ABCC2: variants seen among roughly 807,000 people sequenced by gnomAD.
ABCC2 encodes the protein ATP binding cassette subfamily C member 2.
ABCC2 carries 157 observed loss-of-function variants against 173.4 expected under a neutral mutation model. The observed-to-expected ratio is 0.91, with a 90% CI of 0.80 to 1.03. The LOEUF is 1.03. Ranked by LOEUF, ABCC2 falls within the 50% of genes least tolerant of loss-of-function variation. The pLI is 0.00. For synonymous variants in ABCC2, 657 were observed against 693.5 expected (o/e 0.95, Z 0.83); for missense variants, 1,822 against 1,852.3 (o/e 0.98, Z 0.30).
intron 28 of ABCC2, among the ~76,000 whole-genome samples, chr10:99,845,299 C>T (rs1032190260): frequency 6.6e-6 from 1 of 152,154 alleles, no homozygotes; most frequent in Non-Finnish European, 1.5e-5. Context: ...TCCCGAAGTG[C>T]TGGGATTATA....
rs1564685789 is a variant in ABCC2 at position 99,814,654 on chromosome 10, C to CATATGTGTATAT, written c.2094+1511_2094+1512insTATGTGTATATA. On this transcript the variant is annotated intron_variant, in intron 16 of 31. Transcript: ENST00000647814. The stretch of plus-strand genomic sequence containing the variant: ...ATATGTGTATATACACATATACACA[C>CATATGTGTATAT]ACATATGTGTATATACACATATACA... Among the ~76,000 whole-genome samples the CATATGTGTATAT allele has an allele frequency of 6.5e-4, 75 of 115,664 alleles. 1 individual carries two copies. Among genetic ancestry groups the CATATGTGTATAT allele is most frequent in the Non-Finnish European group, 8.3e-4 (44 of 52,812 alleles). The allele number at this position is 115,664 out of a possible 152,430, so 75.9% of individuals were successfully genotyped here.
At position 99,831,754 on chromosome 10, in the gene ABCC2, CT is replaced by C. The variant is rs1304299345; in HGVS notation, c.3029del (p.Phe1010SerfsTer13). 1 of 1,614,182 alleles carries C rather than the reference CT, an allele frequency of 6.2e-7. No individual in the cohort carries two copies. Among genetic ancestry groups the C allele is most frequent in the South Asian group, 1.1e-5 (1 of 91,086 alleles). On this transcript the variant is annotated frameshift_variant, in exon 22 of 32. Coordinates refer to ENST00000647814, the MANE Select transcript of ABCC2 (RefSeq NM_000392.5). LOFTEE classifies it high-confidence loss of function. The part of the protein sequence containing the change: ...LSAWTSDSKI[F>X]NSTDYPASQR... ...GTGCTTGGACCAGTGACTCTAAAAT[CT>C]TCAATAGCACCGACTATCCAGCATC...
chr10:99,804,783 G>C (rs1348974041), intron 10 of ABCC2, among the ~76,000 whole-genome samples: 2 of 152,174 alleles, frequency 1.3e-5, no homozygotes, highest in Non-Finnish European at 2.9e-5. Flanking sequence ...TCACTCATTT[G>C]TTTTGCATTC....
intron 3 of ABCC2, among the ~76,000 whole-genome samples, 184 bp from the exon 4 acceptor site, chr10:99,793,367 A>G (rs2037839926): frequency 1.3e-5 from 2 of 152,156 alleles, no homozygotes; most frequent in Admixed American, 1.3e-4. Context: ...ACTAAAAGAA[A>G]AAGCTGGATG....
intron 3 of ABCC2, among the ~76,000 whole-genome samples, chr10:99,792,977 G>A (rs1413050316): frequency 2.6e-5 from 4 of 152,198 alleles, no homozygotes; most frequent in Admixed American, 6.5e-5. Context: ...GGCTCCTTTA[G>A]ACCATGTGCT....
At chr10:99,829,467 T>C (rs56139910) in intron 19 of ABCC2, among the ~76,000 whole-genome samples, 6,783 of 152,244 alleles carry the variant, frequency 0.045, 177 homozygotes, top group Middle Eastern at 0.17. Flanking sequence ...TTAATCATTA[T>C]TCTAATTGCT....
At position 99,793,613 on chromosome 10, in the gene ABCC2, G is replaced by T; in HGVS notation, c.396G>T (p.Leu132=). The T allele has an allele frequency of 6.2e-7, 1 of 1,614,108 alleles. No homozygotes were observed. Among genetic ancestry groups the T allele is most frequent in the Non-Finnish European group, 8.5e-7 (1 of 1,180,000 alleles). The stretch of plus-strand genomic sequence containing the variant: ...GTGTACAGAAAAACTCCTGGTTCCT[G>T]TCCCTATTCTGGATTCTCTCGATAC... ...QWCVQKNSWF[L]SLFWILSILC... The change falls in exon 4 of 32, where the codon CTG becomes CTT. Residue 132 remains leucine, a synonymous_variant. Transcript: ENST00000647814.
intron 2 of ABCC2, among the ~76,000 whole-genome samples, chr10:99,790,319 T>G (rs4148390): frequency 0.58 from 88,079 of 151,988 alleles, 25,813 homozygotes; most frequent in East Asian, 0.77. Flanking sequence ...TAAGCACATG[T>G]TCATATGTTT....
chr10:99,812,362 G>T (rs1409595887), intron 15 of ABCC2, among the ~76,000 whole-genome samples: 1 of 152,172 alleles, frequency 6.6e-6, no homozygotes, highest in Non-Finnish European at 1.5e-5. Flanking sequence ...TCAATGCGCA[G>T]ATTCAGAAAG....
chr10:99,795,275 A>G (rs2037879645), intron 6 of ABCC2, among the ~76,000 whole-genome samples: 1 of 152,248 alleles, frequency 6.6e-6, no homozygotes, highest in South Asian at 2.1e-4. Context: ...AAAATATTTT[A>G]AAAACAAATG....
chr10:99,805,354 T>G (rs1348076528), intron 10 of ABCC2, 28 bp from the exon 11 acceptor site: 1 of 1,601,900 alleles, frequency 6.2e-7, no homozygotes. Flanking sequence ...AAGCGTATAT[T>G]GTTTTTCTTT....
In ABCC2 at chr10:99,784,472, C is replaced by T. The variant is rs556778843; in HGVS notation, c.34-136C>T. The stretch of plus-strand genomic sequence containing the variant: ...ATCCATGTGCACAAATAGGAAAATA[C>T]GGATAGTTAAAGGGTAAGGCTGGAT... On this transcript the variant is annotated intron_variant, in intron 1 of 31. Coordinates refer to ENST00000647814, the MANE Select transcript of ABCC2 (RefSeq NM_000392.5). 7.6e-5 allele frequency: 73 copies of T among 956,266 alleles called. No individual in the cohort carries two copies. The African/African-American group carries it at 7.7e-4, about 10-fold the overall frequency. The allele number at this position is 956,266 out of a possible 1,614,324, so 59.2% of individuals were successfully genotyped here.
intron 2 of ABCC2, among the ~76,000 whole-genome samples, chr10:99,791,258 A>G (rs900341696): frequency 2.6e-5 from 4 of 152,080 alleles, no homozygotes; most frequent in African/African-American, 9.7e-5. Context: ...AAATACAAAA[A>G]TTAGCCAGGT....
Position 99,830,850 on chromosome 10 carries a change from A to G in ABCC2, c.2882A>G (p.Lys961Arg), listed in dbSNP as rs774987234. 26 of 1,613,898 alleles carry G rather than the reference A, an allele frequency of 1.6e-5. No homozygotes were observed. The East Asian group carries it at 5.8e-4, about 36-fold the overall frequency. The change falls in exon 21 of 32, where the codon AAG becomes AGG. Residue 961 changes from lysine (K) to arginine (R), a missense_variant and splice_region_variant. Coordinates refer to ENST00000647814, the MANE Select transcript of ABCC2 (RefSeq NM_000392.5). ...LIKKEFIETGKVKFSIYLEYL... is the reference protein window; with the variant it reads ...LIKKEFIETGRVKFSIYLEYL... ...AAGAAGGAATTCATAGAAACTGGAA[A>G]GGTGAACACCACACAGAAAAGTAGC...
chr10:99,842,628 C>T (rs960713566), intron 26 of ABCC2, among the ~76,000 whole-genome samples: 8 of 152,102 alleles, frequency 5.3e-5, no homozygotes, highest in African/African-American at 1.4e-4. Context: ...CTGGCACTAC[C>T]GTAATTATTC....
chr10:99,837,247 T>C (rs368039019), intron 25 of ABCC2, among the ~76,000 whole-genome samples: 1 of 136,248 alleles, frequency 7.3e-6, no homozygotes, highest in African/African-American at 2.8e-5. Context: ...GCAATTCTCC[T>C]GCCTCAGCCT....
chr10:99,808,900 A>G (rs2038161573), intron 13 of ABCC2, among the ~76,000 whole-genome samples: 1 of 152,156 alleles, frequency 6.6e-6, no homozygotes, highest in Admixed American at 6.5e-5. Context: ...TGGGAAAGAG[A>G]AGGCCTCCCT....
chr10:99,808,500 G>A (rs1395590023), intron 13 of ABCC2, among the ~76,000 whole-genome samples: 2 of 152,116 alleles, frequency 1.3e-5, no homozygotes, highest in Non-Finnish European at 2.9e-5. Flanking sequence ...AGATTATTAT[G>A]TTTAGTCCTA....
At chr10:99,845,513 G>A in intron 28 of ABCC2, 111 bp from the exon 29 acceptor site, 1 of 1,353,962 alleles carries the variant, frequency 7.4e-7, no homozygotes, top group Non-Finnish European at 1.1e-6. Flanking sequence ...TCTTAGAGAT[G>A]GAGTAGCCAG....
Sources: gnomAD v4.1 joint callset for allele counts (sites outside exome capture counted in the v4.1 genomes callset) on GRCh38, gnomAD v4.1.1 for gene constraint, MANE v1.5 for transcripts, NCBI Gene and HGNC (gene_info 2026-07-23, HGNC 2026-07-21) for gene names.